Variants in ANKRD30BL observed in about 807,000 individuals in gnomAD.
ANKRD30BL encodes the protein putative ankyrin repeat domain-containing protein 30B-like.
Under a neutral mutation model 18.4 loss-of-function variants are expected in ANKRD30BL, and 20 were observed. The ratio of observed to expected loss-of-function variants is 1.09; its 90% CI spans 0.77 to 1.58. ANKRD30BL has a LOEUF of 1.58. ANKRD30BL is among the 40% of genes most tolerant of loss of function. ANKRD30BL has a pLI of 0.00. For missense variants in ANKRD30BL, 224 were observed against 268.6 expected (o/e 0.83, Z 1.16); for synonymous variants, 72 against 100.9 (o/e 0.71, Z 1.72).
intron 1 of ANKRD30BL, among the ~76,000 whole-genome samples, chr2:132,214,449 G>A (rs925511272): frequency 7.9e-5 from 12 of 152,098 alleles, no homozygotes; most frequent in Non-Finnish European, 1.6e-4. Flanking sequence ...TGTAGATTCT[G>A]CAAGTGAACA....
chr2:132,183,238 T>A (rs921465755), intron 1 of ANKRD30BL, among the ~76,000 whole-genome samples: 1 of 152,006 alleles, frequency 6.6e-6, no homozygotes, highest in Non-Finnish European at 1.5e-5. Flanking sequence ...TTCAAGTGAT[T>A]ATCTTGCCTC....
intron 1 of ANKRD30BL, among the ~76,000 whole-genome samples, chr2:132,246,488 C>A (rs76007739): frequency 1.3e-5 from 2 of 150,844 alleles, no homozygotes; most frequent in Non-Finnish European, 3.0e-5. Flanking sequence ...CTAGACAGAA[C>A]AATTTTCAGG....
intron 1 of ANKRD30BL, among the ~76,000 whole-genome samples, chr2:132,210,527 A>G (rs902098669): frequency 7.2e-5 from 11 of 152,100 alleles, no homozygotes; most frequent in Non-Finnish European, 1.3e-4. Context: ...TCTATGGTGG[A>G]GAAAGAAATA....
intron 1 of ANKRD30BL, 137 bp from the exon 2 acceptor site, chr2:132,157,560 A>T (rs1687944771): frequency 9.1e-6 from 4 of 441,846 alleles, no homozygotes; most frequent in Non-Finnish European, 1.2e-5. Context: ...TCCTGAAGAA[A>T]CTACAATATT....
chr2:132,222,056 C>T (rs1406827715), intron 1 of ANKRD30BL, among the ~76,000 whole-genome samples: 2 of 118,070 alleles, frequency 1.7e-5, no homozygotes, highest in East Asian at 2.6e-4. Flanking sequence ...GGGGGGGGGT[C>T]GGCCAGCCGC....
intron 1 of ANKRD30BL, among the ~76,000 whole-genome samples, chr2:132,196,228 TA>T (rs1443057152): frequency 6.6e-6 from 1 of 151,796 alleles, no homozygotes; most frequent in Non-Finnish European, 1.5e-5. Context: ...CCTATAATCC[TA>T]ACACTTTGGG....
chr2:132,223,867 A>G (rs1679765891), intron 1 of ANKRD30BL, among the ~76,000 whole-genome samples: 1 of 151,932 alleles, frequency 6.6e-6, no homozygotes, highest in Non-Finnish European at 1.5e-5. Flanking sequence ...AGAGTTGAAA[A>G]TACTTTATCA....
At chr2:132,187,362 T>A (rs796243169) in intron 1 of ANKRD30BL, among the ~76,000 whole-genome samples, 2 of 151,854 alleles carry the variant, frequency 1.3e-5, no homozygotes, top group African/African-American at 4.8e-5. Flanking sequence ...GCCCAGCTAA[T>A]TTTTGTAGTT....
chr2:132,207,850 G>A (rs1245274012), intron 1 of ANKRD30BL, among the ~76,000 whole-genome samples: 11 of 152,132 alleles, frequency 7.2e-5, no homozygotes, highest in Non-Finnish European at 1.3e-4. Context: ...TGGCATACAT[G>A]CAATTTCCAT....
chr2:132,210,854 TG>T (rs1329222477), intron 1 of ANKRD30BL, among the ~76,000 whole-genome samples: 1 of 151,778 alleles, frequency 6.6e-6, no homozygotes, highest in African/African-American at 2.4e-5. Flanking sequence ...TGGAGCCCTT[TG>T]GGGCCTATGG....
chr2:132,153,351 A>G (rs952832620), intron 4 of ANKRD30BL, among the ~76,000 whole-genome samples: 1 of 152,178 alleles, frequency 6.6e-6, no homozygotes, highest in African/African-American at 2.4e-5. Flanking sequence ...TATTTATCCC[A>G]TGCATAGGGG....
chr2:132,182,264 C>T (rs936985841), intron 1 of ANKRD30BL, among the ~76,000 whole-genome samples: 12 of 152,110 alleles, frequency 7.9e-5, no homozygotes, highest in African/African-American at 2.4e-4. Context: ...GGGCAGATCA[C>T]GAGGTCAGGA....
intron 1 of ANKRD30BL, among the ~76,000 whole-genome samples, chr2:132,159,432 G>A (rs1687997891): frequency 6.6e-6 from 1 of 152,112 alleles, no homozygotes; most frequent in Admixed American, 6.5e-5. Context: ...AGCAGTATTT[G>A]ATTCCTTTTT....
intron 1 of ANKRD30BL, among the ~76,000 whole-genome samples, chr2:132,243,471 C>T (rs1680392754): frequency 6.6e-6 from 1 of 151,596 alleles, no homozygotes; most frequent in Non-Finnish European, 1.5e-5. Context: ...TTAAACCTTT[C>T]CTTTGATACA....
At chr2:132,162,084 C>T (rs13393939), upstream of ANKRD30BL, 64,499 of 187,282 alleles carry the variant, frequency 0.34, 12,300 homozygotes, top group African/African-American at 0.51. Flanking sequence ...GCGGGGCTCC[C>T]TGGAGCGGAA....
At chr2:132,195,788 C>CAAAAAAAAA (rs1205804103) in intron 1 of ANKRD30BL, among the ~76,000 whole-genome samples, 3 of 48,664 alleles carry the variant, frequency 6.2e-5, no homozygotes, top group African/African-American at 1.6e-4. Flanking sequence ...GAGCCTCTGC[C>CAAAAAAAAA]AAAAAAAAAA....
At chr2:132,181,227 A>G (rs1262042504) in intron 1 of ANKRD30BL, among the ~76,000 whole-genome samples, 1 of 152,084 alleles carries the variant, frequency 6.6e-6, no homozygotes, top group Non-Finnish European at 1.5e-5. Context: ...TAATCTCAGC[A>G]CTTTGGGAGG....
intron 1 of ANKRD30BL, among the ~76,000 whole-genome samples, chr2:132,173,945 G>C (rs919194539): frequency 6.6e-6 from 1 of 152,212 alleles, no homozygotes; most frequent in African/African-American, 2.4e-5. Context: ...GCCACTGTGA[G>C]TTGGTGGGTC....
At chr2:132,154,406 A>G (rs1241701940) in intron 4 of ANKRD30BL, among the ~76,000 whole-genome samples, 1 of 152,252 alleles carries the variant, frequency 6.6e-6, no homozygotes, top group Non-Finnish European at 1.5e-5. Context: ...AGCTAATAGA[A>G]GATAATGCAA....
Sources: gnomAD v4.1 joint callset for allele counts (sites outside exome capture counted in the v4.1 genomes callset) on GRCh38, gnomAD v4.1.1 for gene constraint, MANE v1.5 for transcripts, NCBI Gene and HGNC (gene_info 2026-07-23, HGNC 2026-07-21) for gene names.